The following LTF variants were observed in gnomAD, a reference collection of about 807,000 sequenced individuals.
LTF encodes epididymis luminal protein 110.
In LTF, 91 loss-of-function variants were observed where a neutral mutation model predicts 87.2. The observed-to-expected ratio is 1.04, with a 90% CI of 0.88 to 1.24. The LOEUF is 1.24. Ranked by LOEUF, LTF falls within the 50% of genes most tolerant of loss-of-function variation. The probability of loss-of-function intolerance (pLI) is 0.00; values close to 1 mark genes in which losing one functional copy is unlikely to be tolerated. For synonymous variants in LTF, 378 were observed against 356.1 expected (o/e 1.06, Z -0.69); for missense variants, 901 against 904.3 (o/e 1.00, Z 0.05).
intron 1 of LTF, among the ~76,000 whole-genome samples, chr3:46,472,525 TGTGA>T (rs751894792): frequency 0.014 from 1,999 of 140,948 alleles, 10 homozygotes; most frequent in Non-Finnish European, 0.02. Flanking sequence ...TGTGTGTGTG[TGTGA>T]GAGAGAGAGA....
At chr3:46,454,283 C>A (rs201076996) in intron 6 of LTF, 22 bp downstream of exon 6, 2 of 1,612,284 alleles carry the variant, frequency 1.2e-6, no homozygotes, top group South Asian at 2.2e-5. Flanking sequence ...TCAGTACCCA[C>A]GGCTCATTAC....
chr3:46,454,143 G>A, intron 6 of LTF, 162 bp downstream of exon 6: 1 of 706,300 alleles, frequency 1.4e-6, no homozygotes, highest in East Asian at 2.5e-5. Context: ...GAAGAAAACT[G>A]ATCATTTAAA....
At chr3:46,448,036 T>C (rs369980403) in intron 9 of LTF, among the ~76,000 whole-genome samples, 49 of 152,288 alleles carry the variant, frequency 3.2e-4, no homozygotes, top group African/African-American at 1.1e-3. Context: ...AACTGAGCCA[T>C]ATTCACATAA....
At chr3:46,472,835 C>T (rs575737685) in intron 1 of LTF, among the ~76,000 whole-genome samples, 2 of 152,290 alleles carry the variant, frequency 1.3e-5, no homozygotes, top group East Asian at 3.9e-4. Context: ...TTTGTCTCAG[C>T]TTGAATCAAT....
chr3:46,455,346 T>C lies in LTF; in HGVS notation c.596A>G (p.Lys199Arg). 1 of 1,614,166 alleles carries C rather than the reference T, an allele frequency of 6.2e-7. No homozygotes were observed. Among genetic ancestry groups the C allele is most frequent in the Non-Finnish European group, 8.5e-7 (1 of 1,180,028 alleles). Residue 199 changes from lysine (K) to arginine (R), a missense_variant, in exon 5 of 17, where the codon AAA (lysine) becomes AGA (arginine). Transcript: ENST00000231751. ...CGGTTCCTGGGAGGAGAAGGCACAT[T>C]TGTTTTCCCCTGTCCCCGCACACAG... Reference protein sequence around the residue: ...CRLCAGTGENKCAFSSQEPYF... With the variant: ...CRLCAGTGENRCAFSSQEPYF...
intron 6 of LTF, 181 bp downstream of exon 6, chr3:46,454,124 A>G: frequency 1.6e-6 from 1 of 635,986 alleles, no homozygotes; most frequent in African/African-American, 1.8e-5. Flanking sequence ...CAGTAGGCAC[A>G]GGAGGTTTGA....
chr3:46,457,009 G>T (rs1702954945), intron 2 of LTF, among the ~76,000 whole-genome samples: 1 of 152,170 alleles, frequency 6.6e-6, no homozygotes, highest in South Asian at 2.1e-4. Context: ...GTGCAACCTA[G>T]ATCCCTCGCA....
intron 14 of LTF, 117 bp from the exon 15 acceptor site, chr3:46,439,597 G>C (rs764622939): frequency 1.7e-5 from 14 of 817,086 alleles, no homozygotes; most frequent in Non-Finnish European, 2.6e-5. Context: ...GGGTTGTGGT[G>C]ATGTGAGGAA....
chr3:46,470,704 G>A (rs1357106083), intron 1 of LTF, among the ~76,000 whole-genome samples: 1 of 152,166 alleles, frequency 6.6e-6, no homozygotes, highest in Non-Finnish European at 1.5e-5. Context: ...AGACGGGAAG[G>A]CATGGGGAGA....
intron 1 of LTF, among the ~76,000 whole-genome samples, chr3:46,475,461 T>G (rs1337934326): frequency 6.6e-6 from 1 of 151,942 alleles, no homozygotes; most frequent in Non-Finnish European, 1.5e-5. Flanking sequence ...TCTCTGTTAT[T>G]CTTGGGAGAA....
chr3:46,456,058 T>C lies in LTF; in HGVS notation c.317-80A>G. 6.9e-6 allele frequency: 9 copies of C among 1,306,388 alleles called. No individual in the cohort carries two copies. The South Asian group carries it at 1.3e-4, about 19-fold the overall frequency. 80.9% of individuals were successfully genotyped at this position (1,306,388 alleles called of 1,614,324 possible). A position where few individuals can be genotyped will look rare whatever the true frequency, so the allele number is the denominator to read the frequency against. On this transcript the variant is annotated intron_variant, in intron 3 of 16. Coordinates refer to ENST00000231751, the MANE Select transcript of LTF (RefSeq NM_002343.6). Reference sequence around the variant, plus strand: ...ACAACCCATCCTGAAAAGTCTCCGGTGGGAAGGGGGAATGCTGTGCTGCAG... The same window carrying C: ...ACAACCCATCCTGAAAAGTCTCCGGCGGGAAGGGGGAATGCTGTGCTGCAG...
chr3:46,464,173 A>G (rs1703156512), intron 1 of LTF, among the ~76,000 whole-genome samples: 1 of 152,138 alleles, frequency 6.6e-6, no homozygotes, highest in Admixed American at 6.5e-5. Context: ...TGAGCACCCG[A>G]GAAATTACTT....
At position 46,437,968 on chromosome 3, in the gene LTF, A is replaced by G. The variant is rs777428650; in HGVS notation, c.2070T>C (p.Ile690=). The G allele has an allele frequency of 6.2e-7, 1 of 1,613,786 alleles. No individual in the cohort carries two copies. Among genetic ancestry groups the G allele is most frequent in the Admixed American group, 1.7e-5 (1 of 59,960 alleles). ...KYLGPQYVAG[I]TNLKKCSTSP... ...AGGTTGAGCACTTTTTCAGATTAGT[A>G]ATGCCTGCGACATACTGTGGTCCCA... The change falls in exon 16 of 17, where the codon ATT becomes ATC. Residue 690 remains isoleucine (I), a synonymous_variant. Transcript: ENST00000231751.
At chr3:46,456,585 C>T (rs1702941904) in intron 2 of LTF, among the ~76,000 whole-genome samples, 187 bp from the exon 3 acceptor site, 1 of 152,188 alleles carries the variant, frequency 6.6e-6, no homozygotes, top group African/African-American at 2.4e-5. Flanking sequence ...ACAGTGAGCA[C>T]CAGCCCTCTA....
chr3:46,458,897 A>T (rs2106890769), intron 2 of LTF, among the ~76,000 whole-genome samples: 1 of 152,374 alleles, frequency 6.6e-6, no homozygotes, highest in Non-Finnish European at 1.5e-5. Context: ...GTATGCAGGT[A>T]ATAGTTGTAA....
Position 46,455,993 on chromosome 3 carries a change from A to G in LTF, c.317-15T>C, listed in dbSNP as rs1230344038. ...AGTTCGTGGCTCTGCAAAGGGGCAG[A>G]CAGAATTGAAAGTTCTTAGCCTGGA... On this transcript the variant is annotated splice_polypyrimidine_tract_variant and intron_variant, in intron 3 of 16. Transcript: ENST00000231751. 1 of 1,551,042 alleles carries G rather than the reference A, an allele frequency of 6.4e-7. No individual in the cohort carries two copies. The highest frequency in any genetic ancestry group is 1.2e-5 in the South Asian group (1 of 81,086).
chr3:46,455,695 AT>A, intron 4 of LTF, 100 bp downstream of exon 4: 1 of 1,382,608 alleles, frequency 7.2e-7, no homozygotes, highest in South Asian at 1.4e-5. Context: ...CCCCACCTTG[AT>A]TCATCCCACA....
intron 12 of LTF, 42 bp downstream of exon 12, chr3:46,445,239 C>G: frequency 6.4e-7 from 1 of 1,557,884 alleles, no homozygotes; most frequent in Non-Finnish European, 8.7e-7. Context: ...ATATGCCTAC[C>G]CTCCAGGGTG....
chr3:46,472,527 T>TGTGTGTGAGA (rs1402389714), intron 1 of LTF, among the ~76,000 whole-genome samples: 29 of 130,820 alleles, frequency 2.2e-4, no homozygotes, highest in Admixed American at 3.7e-4. Context: ...TGTGTGTGTG[T>TGTGTGTGAGA]GAGAGAGAGA....
Sources: allele counts gnomAD v4.1 joint callset (sites outside exome capture counted in the v4.1 genomes callset), GRCh38; gene constraint gnomAD v4.1.1; transcripts MANE v1.5; gene names NCBI Gene and HGNC (gene_info 2026-07-23, HGNC 2026-07-21).